Variants in HTR2C observed in about 807,000 individuals in gnomAD.
HTR2C encodes 5-hydroxytryptamine (serotonin) receptor 2C, G protein-coupled.
Under a neutral mutation model 21.0 loss-of-function variants are expected in HTR2C, and 5 were observed. The ratio of observed to expected loss-of-function variants is 0.24; its 90% CI spans 0.12 to 0.50. The LOEUF (loss-of-function observed/expected upper bound fraction) is 0.50. HTR2C is among the 20% of genes least tolerant of loss of function. HTR2C has a pLI of 0.98. For missense variants in HTR2C, 271 were observed against 371.2 expected, an observed-to-expected ratio of 0.73 and a Z score of 2.22; for synonymous variants, 150 against 145.3, an observed-to-expected ratio of 1.03 and a Z score of -0.23.
At chrX:114,715,452 T>A in intron 2 of HTR2C, 1 of 250,214 alleles carries the variant, frequency 4.0e-6, no homozygotes, top group Non-Finnish European at 8.0e-6. Context: ...AGAGACACCA[T>A]TGTAAATGTA....
intron 2 of HTR2C, among the ~76,000 whole-genome samples, chrX:114,706,730 T>C (rs781806396): frequency 1.8e-5 from 2 of 109,687 alleles, no homozygotes; most frequent in South Asian, 7.9e-4. Flanking sequence ...ATAAAAATAA[T>C]AAAAAAGAAT....
intron 4 of HTR2C, among the ~76,000 whole-genome samples, chrX:114,740,012 G>C (rs2069629393): frequency 9.1e-6 from 1 of 109,735 alleles, no homozygotes. Context: ...GGGAGGCTGA[G>C]ATGGGAGGAT....
At chrX:114,876,660 T>C (rs1556478326) in intron 5 of HTR2C, among the ~76,000 whole-genome samples, 1 of 110,353 alleles carries the variant, frequency 9.1e-6, no homozygotes, top group African/African-American at 3.3e-5. Context: ...TATTGAATTA[T>C]GTCAAATGTT....
At chrX:114,744,240 G>A (rs1230983725) in intron 4 of HTR2C, among the ~76,000 whole-genome samples, 1 of 109,603 alleles carries the variant, frequency 9.1e-6, no homozygotes, top group Non-Finnish European at 1.9e-5. Flanking sequence ...CTAAAGTAGT[G>A]CTTAGAGGAA....
At chrX:114,704,272 A>G (rs1293307326) in intron 2 of HTR2C, among the ~76,000 whole-genome samples, 5 of 111,517 alleles carry the variant, frequency 4.5e-5, no homozygotes, top group Admixed American at 2.9e-4. Flanking sequence ...AGAATTTTAG[A>G]CCGATATCCT....
At chrX:114,831,426 A>G (rs2070726535) in intron 4 of HTR2C, among the ~76,000 whole-genome samples, 1 of 98,089 alleles carries the variant, frequency 1.0e-5, no homozygotes, top group Non-Finnish European at 2.1e-5. Context: ...AGTGGTTTTG[A>G]TTTGCATTTC....
chrX:114,843,726 A>G (rs781821600), intron 4 of HTR2C, among the ~76,000 whole-genome samples: 1 of 111,778 alleles, frequency 8.9e-6, no homozygotes, highest in African/African-American at 3.2e-5. Flanking sequence ...TAAAAGCTGC[A>G]ACAGACAAGC....
intron 4 of HTR2C, among the ~76,000 whole-genome samples, chrX:114,817,159 CTG>C (rs34394226): frequency 0.045 from 5,012 of 110,890 alleles, 287 homozygotes; most frequent in African/African-American, 0.16. Context: ...TAAAATGTGT[CTG>C]TAGGTTTTTT....
Position 114,837,698 on chromosome X carries a change from C to CA in HTR2C, c.350-10293dup, listed in dbSNP as rs11339786. Reference sequence around the variant, plus strand: ...GTCTCAGATTCGCTAGTCCTACAGTCAAAAAAAAAAAATCACCGATAAACA... The same window carrying CA: ...GTCTCAGATTCGCTAGTCCTACAGTCAAAAAAAAAAAAATCACCGATAAACA... On this transcript the variant is annotated intron_variant, in intron 4 of 5. Coordinates refer to ENST00000276198, the MANE Select transcript of HTR2C (RefSeq NM_000868.4). Among the ~76,000 whole-genome samples, 624 of 102,801 alleles carry CA rather than the reference C, an allele frequency of 6.1e-3. 5 individuals carry two copies. The highest frequency in any genetic ancestry group is 0.02 in the African/African-American group (577 of 28,197). 89.3% of individuals were successfully genotyped at this position (102,801 alleles called of 115,157 possible). A position where few individuals can be genotyped will look rare whatever the true frequency, so the allele number is the denominator to read the frequency against.
intron 4 of HTR2C, among the ~76,000 whole-genome samples, chrX:114,806,503 C>CTGT (rs2070443191): frequency 1.2e-5 from 1 of 80,363 alleles, no homozygotes; most frequent in Non-Finnish European, 2.4e-5. Context: ...CATATATATA[C>CTGT]ACCATATATA....
chrX:114,726,531 GAGAA>G (rs1933493940), intron 2 of HTR2C, among the ~76,000 whole-genome samples: 1 of 112,577 alleles, frequency 8.9e-6, no homozygotes, highest in South Asian at 3.6e-4. Flanking sequence ...CGGCCATCTT[GAGAA>G]GTTTTTGAAG....
At chrX:114,848,514 A>C (rs1556468322) in intron 5 of HTR2C, among the ~76,000 whole-genome samples, 2 of 111,917 alleles carry the variant, frequency 1.8e-5, no homozygotes, top group Admixed American at 9.5e-5. Flanking sequence ...TGAAAATGAG[A>C]AAGACATAAA....
chrX:114,706,882 G>A (rs1174079884), intron 2 of HTR2C, among the ~76,000 whole-genome samples: 1 of 110,686 alleles, frequency 9.0e-6, no homozygotes, highest in Non-Finnish European at 1.9e-5. Context: ...GAAAAAAGTA[G>A]TAACCAACAA....
chrX:114,638,738 A>G (rs1929966493), intron 2 of HTR2C, among the ~76,000 whole-genome samples: 1 of 87,319 alleles, frequency 1.1e-5, no homozygotes. Flanking sequence ...ATGTGTTCTC[A>G]TTGTTCAATT....
At chrX:114,850,219 G>C (rs1190151898) in intron 5 of HTR2C, among the ~76,000 whole-genome samples, 2 of 110,468 alleles carry the variant, frequency 1.8e-5, no homozygotes, top group Non-Finnish European at 3.8e-5. Context: ...GACTAGCCTG[G>C]ACAACATGAT....
intron 4 of HTR2C, among the ~76,000 whole-genome samples, chrX:114,837,110 A>T (rs1478481464): frequency 8.9e-6 from 1 of 112,148 alleles, no homozygotes; most frequent in Non-Finnish European, 1.9e-5. Context: ...TTATATTTAA[A>T]AATGTGTGCC....
intron 2 of HTR2C, among the ~76,000 whole-genome samples, chrX:114,676,914 A>G (rs1264460066): frequency 8.9e-6 from 1 of 112,273 alleles, no homozygotes; most frequent in Admixed American, 9.5e-5. Context: ...AGATTTGCTT[A>G]CTTGAAATCC....
chrX:114,787,946 C>CAA lies in HTR2C; in HGVS notation c.349+56357_349+56358dup, dbSNP rs1204419085. ...TGGGCAACAGAGCGAGACTCTGTCTCAAAAAAAAAAAAAAAAAAAGAAATC... is the reference window on the plus strand; with the variant it reads ...TGGGCAACAGAGCGAGACTCTGTCTCAAAAAAAAAAAAAAAAAAAAAGAAATC... On this transcript the variant is annotated intron_variant, in intron 4 of 5. Transcript: ENST00000276198. Among the ~76,000 whole-genome samples the CAA allele has an allele frequency of 6.2e-3, 208 of 33,706 alleles. 3 individuals are homozygous for CAA. The highest frequency in any genetic ancestry group is 0.021 in the African/African-American group (201 of 9,538). The allele number at this position is 33,706 out of a possible 115,157, so 29.3% of individuals were successfully genotyped here. A position where few individuals can be genotyped will look rare whatever the true frequency, so the allele number is the denominator to read the frequency against.
intron 2 of HTR2C, among the ~76,000 whole-genome samples, chrX:114,711,249 T>G (rs1932887983): frequency 9.0e-6 from 1 of 111,648 alleles, no homozygotes. Context: ...TGATTTTGTT[T>G]CAGTGCCCCA....
Sources: gnomAD v4.1 joint callset for allele counts (sites outside exome capture counted in the v4.1 genomes callset) on GRCh38, gnomAD v4.1.1 for gene constraint, MANE v1.5 for transcripts, NCBI Gene and HGNC (gene_info 2026-07-23, HGNC 2026-07-21) for gene names.